CD163L1: variants seen among roughly 807,000 people sequenced by gnomAD.
The protein encoded by CD163L1 is scavenger receptor cysteine-rich type 1 protein M160.
Under a neutral mutation model 165.4 loss-of-function variants are expected in CD163L1, and 124 were observed. The observed-to-expected ratio is 0.75, with a 90% CI of 0.65 to 0.87. CD163L1 has a LOEUF of 0.87. Ranked by LOEUF, CD163L1 falls within the 40% of genes least tolerant of loss-of-function variation. The probability of loss-of-function intolerance (pLI) is 0.00; values close to 1 mark genes in which losing one functional copy is unlikely to be tolerated. For missense variants in CD163L1, 1,525 were observed against 1,799.9 expected (o/e 0.85, Z 2.76); for synonymous variants, 585 against 662.2 (o/e 0.88, Z 1.79).
In CD163L1 at chr12:7,375,519, C is replaced by T. The variant is rs930881418; in HGVS notation, c.2763G>A (p.Trp921Ter). The change falls in exon 11 of 20, where the codon TGG (tryptophan) becomes TGA (stop). Residue 921 changes from tryptophan to a stop codon, truncating the protein, a stop_gained. Coordinates refer to ENST00000313599, the MANE Select transcript of CD163L1 (RefSeq NM_174941.6). LOFTEE classifies it high-confidence loss of function. The part of the protein sequence containing the change: ...GQVEINVLGH[W>*]GSLCDTHWDP... ...CCCAGTGGGTGTCACACAGTGAGCC[C>T]CAGTGTCCAAGCACGTTGATCTCCA... 20 of 1,613,904 alleles carry T rather than the reference C, an allele frequency of 1.2e-5. No individual in the cohort carries two copies. In the Admixed American group the frequency reaches 3.3e-4, roughly 27 times the overall value.
the CD163L1 span, among the ~76,000 whole-genome samples, chr12:7,324,898 G>GT: frequency 6.6e-6 from 1 of 151,610 alleles, no homozygotes; most frequent in Non-Finnish European, 1.5e-5. Flanking sequence ...ACATCCAAAG[G>GT]TTCATGTGAG....
chr12:7,342,574 C>A (rs976900793), downstream of CD163L1, among the ~76,000 whole-genome samples: 1 of 152,110 alleles, frequency 6.6e-6, no homozygotes, highest in African/African-American at 2.4e-5. Flanking sequence ...CCTCTAGCAC[C>A]ACTGGGTTAG....
rs566761197 is a variant in CD163L1 at position 7,441,055 on chromosome 12, A to AT, written c.124+98dup. On this transcript the variant is annotated intron_variant, in intron 2 of 19. Transcript: ENST00000313599. The stretch of plus-strand genomic sequence containing the variant: ...ATTGAAGGTCCAACATTATTTTTAC[A>AT]TGTTCTATTTCCCTCAAAATATGCA... The AT allele has an allele frequency of 9.2e-4, 724 of 790,008 alleles. 8 individuals are homozygous for AT. The highest frequency in any genetic ancestry group is 3.2e-3 in the South Asian group (193 of 61,200). The allele number at this position is 790,008 out of a possible 1,614,324, so 48.9% of individuals were successfully genotyped here. A position where few individuals can be genotyped will look rare whatever the true frequency, so the allele number is the denominator to read the frequency against.
intron 8 of CD163L1, among the ~76,000 whole-genome samples, chr12:7,387,627 T>C (rs1017508256): frequency 1.3e-5 from 2 of 152,198 alleles, no homozygotes; most frequent in African/African-American, 2.4e-5. Context: ...TCTCATCATG[T>C]GATGCTGGCT....
chr12:7,372,447 G>T lies in CD163L1; in HGVS notation c.3730+873C>A, dbSNP rs1265491106. Among the ~76,000 whole-genome samples, 1 of 151,966 alleles carries T rather than the reference G, an allele frequency of 6.6e-6. No individual in the cohort carries two copies. Among genetic ancestry groups the T allele is most frequent in the Non-Finnish European group, 1.5e-5 (1 of 67,926 alleles). On this transcript the variant is annotated intron_variant, in intron 14 of 19. Transcript: ENST00000313599. The surrounding 1 kb of genome is among the most constrained non-coding windows in gnomAD (Gnocchi z 4.2). The stretch of plus-strand genomic sequence containing the variant: ...GCTTATAATGGCATTATTTATACTA[G>T]TTTGACATTGAGAAATAGCCTTAAT...
intron 4 of CD163L1, among the ~76,000 whole-genome samples, chr12:7,424,179 A>C (rs1395886057): frequency 6.6e-6 from 1 of 152,176 alleles, no homozygotes; most frequent in Non-Finnish European, 1.5e-5. Flanking sequence ...CAACATACAC[A>C]AATCAATAAA....
At position 7,367,230 on chromosome 12, in the gene CD163L1, A is replaced by G. The variant is rs7974006; in HGVS notation, c.4279+6T>C. The G allele has an allele frequency of 0.11, 176,834 of 1,595,802 alleles. 10,502 individuals are homozygous for G. Among genetic ancestry groups the G allele is most frequent in the Admixed American group, 0.17 (10,282 of 59,822 alleles). ...CATGGAGTGCGGCCCCTGGAGTTGC[A>G]CAGACCTGAGGTTCTTGTCCCATGT... On this transcript the variant is annotated splice_donor_region_variant and intron_variant, in intron 18 of 19. Transcript: ENST00000313599.
the CD163L1 span, among the ~76,000 whole-genome samples, chr12:7,336,710 A>G: frequency 6.6e-6 from 1 of 152,150 alleles, no homozygotes; most frequent in Admixed American, 6.6e-5. Context: ...AAAACATTCC[A>G]TGCTCATGCA....
intron 9 of CD163L1, among the ~76,000 whole-genome samples, chr12:7,376,318 A>G (rs1385941077): frequency 6.6e-6 from 1 of 152,228 alleles, no homozygotes; most frequent in African/African-American, 2.4e-5. Context: ...CAACACGTGA[A>G]GATTTGTAGT....
rs115834768 is a variant in CD163L1, at chr12:7,401,645, G to A, written c.1408+1890C>T. Among the ~76,000 whole-genome samples, 901 of 152,110 alleles carry A rather than the reference G, an allele frequency of 5.9e-3. 11 individuals are homozygous for A. Among genetic ancestry groups the A allele is most frequent in the African/African-American group, 0.021 (868 of 41,534 alleles). ...ATAGTACATTTATGCAATATAGTAA[G>A]TAGCCTTTAACATTAAGATAGATTA... On this transcript the variant is annotated intron_variant, in intron 6 of 19. Transcript: ENST00000313599.
At chr12:7,439,728 G>C in intron 2 of CD163L1, 1 of 1,609,978 alleles carries the variant, frequency 6.2e-7, no homozygotes, top group Admixed American at 1.7e-5. Flanking sequence ...CCCAGGTATC[G>C]TCATCCGATG....
chr12:7,427,572 C>T (rs1015500286), intron 4 of CD163L1, among the ~76,000 whole-genome samples: 7 of 151,940 alleles, frequency 4.6e-5, no homozygotes, highest in African/African-American at 1.5e-4. Flanking sequence ...TTGATGGTGG[C>T]GATGGGCTCA....
the CD163L1 span, among the ~76,000 whole-genome samples, chr12:7,337,318 T>C: frequency 3.9e-5 from 6 of 152,076 alleles, no homozygotes; most frequent in Admixed American, 3.9e-4. Flanking sequence ...AATTGACAAA[T>C]GGGATCTAGT....
chr12:7,439,848 G>A, intron 2 of CD163L1: 4 of 1,613,060 alleles, frequency 2.5e-6, no homozygotes, highest in East Asian at 2.2e-5. Context: ...TGTCGCCAAA[G>A]GCCTCCGCTC....
chr12:7,441,276 T>G (rs1948828182), intron 1 of CD163L1, 30 bp from the exon 2 acceptor site: 1 of 1,499,976 alleles, frequency 6.7e-7, no homozygotes, highest in African/African-American at 1.4e-5. Flanking sequence ...CAGGGTAGAA[T>G]TTCATGTCTT....
chr12:7,347,506 G>A lies in CD163L1; in HGVS notation c.*25-359C>T, dbSNP rs531897829. ...TAAAAAGGAATGGTCTCGGCCGGGC[G>A]CGGTGGCTCACGCTTGTAATCCCAG... On this transcript the variant is annotated intron_variant, in intron 4 of 4. Coordinates refer to the CD163L1 transcript ENST00000539726. This position sits in a 1 kb window ranked among gnomAD's most constrained non-coding sequence, Gnocchi z 4.2. 9.7e-4 allele frequency among the ~76,000 whole-genome samples: 147 copies of A among 152,196 alleles called. 1 individual carries two copies. Among genetic ancestry groups the A allele is most frequent in the African/African-American group, 3.3e-3 (135 of 41,534 alleles).
chr12:7,413,003 G>A (rs1445541449), intron 4 of CD163L1, among the ~76,000 whole-genome samples: 2 of 149,530 alleles, frequency 1.3e-5, no homozygotes, highest in African/African-American at 5.0e-5. Context: ...GGCTGAGGCA[G>A]GAGAATCGCT....
chr12:7,390,209 C>T (rs1042605176), intron 8 of CD163L1, among the ~76,000 whole-genome samples: 3 of 151,138 alleles, frequency 2.0e-5, no homozygotes, highest in South Asian at 2.1e-4. Context: ...GTGTGGTGGG[C>T]GGACAGGATG....
chr12:7,439,462 C>A (rs980447602), intron 2 of CD163L1: 122 of 1,582,866 alleles, frequency 7.7e-5, no homozygotes, highest in Non-Finnish European at 9.4e-5. Flanking sequence ...TTTTAGCTTC[C>A]CGGCCTTTGC....
Sources: gnomAD v4.1 joint callset for allele counts (sites outside exome capture counted in the v4.1 genomes callset) on GRCh38, gnomAD v4.1.1 for gene constraint, Gnocchi (gnomAD v3.1) non-coding constraint, MANE v1.5 for transcripts, NCBI Gene and HGNC (gene_info 2026-07-23, HGNC 2026-07-21) for gene names.